The following SH3PXD2B variants were observed in gnomAD, a reference collection of about 807,000 sequenced individuals.
SH3PXD2B encodes SH3 and PX domains 2B.
SH3PXD2B carries 37 observed loss-of-function variants against 73.1 expected under a neutral mutation model. The ratio of observed to expected loss-of-function variants is 0.51; its 90% CI spans 0.39 to 0.67. SH3PXD2B has a LOEUF of 0.67. Ranked by LOEUF, SH3PXD2B falls within the 30% of genes least tolerant of loss-of-function variation. SH3PXD2B has a pLI of 0.00. For missense variants in SH3PXD2B, 1,053 were observed against 1,197.8 expected (o/e 0.88, Z 1.78); for synonymous variants, 457 against 480.5 (o/e 0.95, Z 0.64).
chr5:172,439,694 A>ACGCG (rs1456255699), intron 1 of SH3PXD2B, among the ~76,000 whole-genome samples: 12 of 42,694 alleles, frequency 2.8e-4, no homozygotes, highest in African/African-American at 1.4e-3. Flanking sequence ...ACGCGCGCGC[A>ACGCG]CACACACACA....
rs546197922 is a variant in SH3PXD2B, at chr5:172,351,502, G to A, written c.786-913C>T. Among the ~76,000 whole-genome samples, 4 of 152,272 alleles carry A rather than the reference G, an allele frequency of 2.6e-5. No homozygotes were observed. The South Asian group carries it at 8.3e-4, about 32-fold the overall frequency. On this transcript the variant is annotated intron_variant, in intron 9 of 12. Transcript: ENST00000311601. Reference sequence around the variant, plus strand: ...TGTGCTGCAGTCAGTCACACCAGCTGTGACAGCCAGTTGGGCACATCTCTC... The same window carrying A: ...TGTGCTGCAGTCAGTCACACCAGCTATGACAGCCAGTTGGGCACATCTCTC...
intron 1 of SH3PXD2B, among the ~76,000 whole-genome samples, chr5:172,428,567 T>C (rs1759159168): frequency 6.6e-6 from 1 of 152,186 alleles, no homozygotes. Flanking sequence ...ACTCACACGG[T>C]ATCAAAGTAT....
chr5:172,335,560 G>A lies in SH3PXD2B; in HGVS notation c.*2809C>T, dbSNP rs1042427183. On this transcript the variant is annotated 3_prime_UTR_variant, in exon 13 of 13. Transcript: ENST00000311601. ...GTCCTATCCGCCTCACAGGCTTGCC[G>A]TAAGGATTAAAGGAGCGTGTGTGTT... 7.2e-5 allele frequency: 89 copies of A among 1,231,732 alleles called. No homozygotes were observed. The highest frequency in any genetic ancestry group is 3.1e-4 in the Middle Eastern group (1 of 3,208). 76.3% of individuals were successfully genotyped at this position (1,231,732 alleles called of 1,614,324 possible).
At chr5:172,442,967 A>G (rs1759580711) in intron 1 of SH3PXD2B, among the ~76,000 whole-genome samples, 1 of 152,088 alleles carries the variant, frequency 6.6e-6, no homozygotes, top group African/African-American at 2.4e-5. Flanking sequence ...CTTTTTTTGG[A>G]GCCATGAATC....
intron 4 of SH3PXD2B, among the ~76,000 whole-genome samples, chr5:172,391,587 C>A (rs2113393115): frequency 6.6e-6 from 1 of 152,256 alleles, no homozygotes; most frequent in East Asian, 1.9e-4. Context: ...TTCAGCCTCC[C>A]AAGTAGCTGG....
chr5:172,436,411 C>T (rs1021856181), intron 1 of SH3PXD2B, among the ~76,000 whole-genome samples: 2 of 152,230 alleles, frequency 1.3e-5, no homozygotes, highest in East Asian at 3.9e-4. Context: ...CTTCACCGGC[C>T]ACAGCCCTAT....
At chr5:172,390,545 C>T (rs1004032461) in intron 4 of SH3PXD2B, among the ~76,000 whole-genome samples, 31 of 152,092 alleles carry the variant, frequency 2.0e-4, no homozygotes, top group African/African-American at 3.9e-4. Flanking sequence ...CACTGTGGCA[C>T]GCTCCCAGTG....
intron 1 of SH3PXD2B, among the ~76,000 whole-genome samples, chr5:172,436,407 C>T (rs1982064): frequency 0.055 from 8,392 of 152,340 alleles, 316 homozygotes; most frequent in Non-Finnish European, 0.084. Flanking sequence ...GCTCCTTCAC[C>T]GGCCACAGCC....
intron 1 of SH3PXD2B, among the ~76,000 whole-genome samples, chr5:172,442,024 T>C (rs1759561235): frequency 6.6e-6 from 1 of 152,184 alleles, no homozygotes; most frequent in African/African-American, 2.4e-5. Context: ...CTCTCTCCTG[T>C]AGAGAAAACT....
intron 4 of SH3PXD2B, among the ~76,000 whole-genome samples, chr5:172,388,603 A>G (rs1758105499): frequency 6.6e-6 from 1 of 152,204 alleles, no homozygotes; most frequent in Admixed American, 6.5e-5. Flanking sequence ...GCTATCCTGT[A>G]TTACTCTCGG....
At chr5:172,362,923 A>T in intron 6 of SH3PXD2B, 54 bp from the exon 7 acceptor site, 1 of 1,611,964 alleles carries the variant, frequency 6.2e-7, no homozygotes. Flanking sequence ...ATGAAAGAGC[A>T]GGAGTCAGAG....
Position 172,339,809 on chromosome 5 carries a change from C to T in SH3PXD2B, c.1296G>A (p.Ser432=), listed in dbSNP as rs746455104. 1.4e-5 allele frequency: 22 copies of T among 1,613,760 alleles called. No individual in the cohort carries two copies. Among genetic ancestry groups the T allele is most frequent in the South Asian group, 7.7e-5 (7 of 91,076 alleles). ...IDKYKKTSNA[S]RPNFLAPLPH... is the part of the protein sequence containing the mutation. ...GCAGGGGAGCCAGAAAGTTGGGTCT[C>T]GACGCGTTGCTCGTCTTCTTGTACT... Residue 432 remains serine, a synonymous_variant, in exon 13 of 13, where the codon TCG becomes TCA. Coordinates refer to ENST00000311601, the MANE Select transcript of SH3PXD2B (RefSeq NM_001017995.3). The surrounding 1 kb of genome is among the most constrained non-coding windows in gnomAD (Gnocchi z 6.1).
chr5:172,392,633 A>AAT (rs1758216667), intron 4 of SH3PXD2B, among the ~76,000 whole-genome samples: 1 of 151,822 alleles, frequency 6.6e-6, no homozygotes, highest in African/African-American at 2.4e-5. Flanking sequence ...AAAAAAAAAA[A>AAT]AATTAGCCAG....
At chr5:172,439,920 G>A (rs1018007511) in intron 1 of SH3PXD2B, among the ~76,000 whole-genome samples, 1 of 152,126 alleles carries the variant, frequency 6.6e-6, no homozygotes, top group South Asian at 2.1e-4. Context: ...GCCAGCTCAC[G>A]CACTGCTACT....
chr5:172,328,374 G>A (rs977225207), intron 12 of SH3PXD2B, among the ~76,000 whole-genome samples: 2 of 152,100 alleles, frequency 1.3e-5, no homozygotes, highest in African/African-American at 2.4e-5. Flanking sequence ...AAAGTGCTGG[G>A]ATTACAGGTG....
At chr5:172,333,309 T>C (rs1756601682), downstream of SH3PXD2B, among the ~76,000 whole-genome samples, 1 of 152,102 alleles carries the variant, frequency 6.6e-6, no homozygotes, top group Non-Finnish European at 1.5e-5. Context: ...TAAAGGAAGC[T>C]TTCCCTTGGT....
At chr5:172,414,034 G>A (rs369699114) in intron 2 of SH3PXD2B, among the ~76,000 whole-genome samples, 1 of 152,224 alleles carries the variant, frequency 6.6e-6, no homozygotes, top group African/African-American at 2.4e-5. Context: ...CCTGTCCTCA[G>A]AAAAGCTGGA....
intron 1 of SH3PXD2B, among the ~76,000 whole-genome samples, chr5:172,430,137 T>C (rs923334215): frequency 6.6e-6 from 1 of 152,262 alleles, no homozygotes; most frequent in Non-Finnish European, 1.5e-5. Context: ...GTAGATTCTT[T>C]CGCTTGGTGC....
intron 6 of SH3PXD2B, among the ~76,000 whole-genome samples, chr5:172,372,787 C>T (rs563593714): frequency 7.2e-5 from 11 of 152,206 alleles, no homozygotes; most frequent in South Asian, 6.2e-4. Flanking sequence ...GATCTCTGTT[C>T]GCACCCCTGA....
Sources: allele counts gnomAD v4.1 joint callset (sites outside exome capture counted in the v4.1 genomes callset), GRCh38; gene constraint gnomAD v4.1.1; non-coding constraint Gnocchi (gnomAD v3.1); transcripts MANE v1.5; gene names NCBI Gene and HGNC (gene_info 2026-07-23, HGNC 2026-07-21).